WWC1: variants seen among roughly 807,000 people sequenced by gnomAD.
The protein encoded by WWC1 is WW and C2 domain containing 1, also known as protein KIBRA.
WWC1 carries 55 observed loss-of-function variants against 138.4 expected under a neutral mutation model. The observed-to-expected ratio is 0.40, with a 90% CI of 0.32 to 0.50. The LOEUF (loss-of-function observed/expected upper bound fraction) is 0.50, where lower values mean the gene tolerates loss of function less well. WWC1 is among the 20% of genes least tolerant of loss of function. The pLI, the probability that WWC1 is intolerant of heterozygous loss-of-function variation, is 0.72. For synonymous variants in WWC1, 524 were observed against 564.9 expected, an observed-to-expected ratio of 0.93 and a Z score of 1.03; for missense variants, 1,226 against 1,420.4, an observed-to-expected ratio of 0.86 and a Z score of 2.20.
chr5:168,440,510 GTTGTT>G (rs537138164), intron 15 of WWC1, among the ~76,000 whole-genome samples: 6 of 151,850 alleles, frequency 4.0e-5, no homozygotes, highest in Admixed American at 6.6e-5. Context: ...TGTTGTTGTT[GTTGTT>G]TTGTTTTGTT....
At chr5:168,468,258 T>A (rs1757462850) in intron 22 of WWC1, among the ~76,000 whole-genome samples, 1 of 152,234 alleles carries the variant, frequency 6.6e-6, no homozygotes, top group African/African-American at 2.4e-5. Context: ...TACTGGTAAT[T>A]GTGGAGGGTT....
intron 1 of WWC1, among the ~76,000 whole-genome samples, chr5:168,325,599 C>T (rs191463976): frequency 6.6e-6 from 1 of 152,274 alleles, no homozygotes; most frequent in East Asian, 1.9e-4. Context: ...TACAGGCAGT[C>T]CCATTTGCAC....
intron 1 of WWC1, among the ~76,000 whole-genome samples, chr5:168,323,621 T>C (rs1202252251): frequency 1.3e-5 from 2 of 152,182 alleles, no homozygotes; most frequent in African/African-American, 4.8e-5. Context: ...GTCAGGACTT[T>C]AGCAATTTGT....
At position 168,455,358 on chromosome 5, in the gene WWC1, G is replaced by A. The variant is rs761334449; in HGVS notation, c.2661G>A (p.Val887=). The change falls in exon 19 of 23, where the codon GTG becomes GTA. Residue 887 remains valine (V), a splice_region_variant and synonymous_variant. Coordinates refer to ENST00000265293, the MANE Select transcript of WWC1 (RefSeq NM_015238.3). ...PDMDGYPALK[V]DKETNTETPA... ...TCAAGGTGTGACTTCTTCCTCAGGT[G>A]GACAAAGAGACCAACACGGAGACCC... 74 of 1,569,024 alleles carry A rather than the reference G, an allele frequency of 4.7e-5. No homozygotes were observed. The Middle Eastern group carries it at 6.1e-3, about 129-fold the overall frequency.
chr5:168,420,702 C>G (rs1781024697), intron 9 of WWC1, among the ~76,000 whole-genome samples: 1 of 152,190 alleles, frequency 6.6e-6, no homozygotes, highest in South Asian at 2.1e-4. Flanking sequence ...TGCAGGGCCA[C>G]TTGGCTGCCC....
chr5:168,349,685 A>G (rs1043306265), intron 1 of WWC1, among the ~76,000 whole-genome samples: 4 of 152,138 alleles, frequency 2.6e-5, no homozygotes, highest in Non-Finnish European at 5.9e-5. Context: ...TTTCTCCGTC[A>G]TTTGACTGGC....
intron 8 of WWC1, 127 bp downstream of exon 8, chr5:168,410,122 G>A: frequency 2.1e-6 from 2 of 937,552 alleles, no homozygotes; most frequent in East Asian, 2.6e-5. Flanking sequence ...TATGAAGATA[G>A]TTATTATACT....
At chr5:168,467,758 C>A in intron 21 of WWC1, 82 bp from the exon 22 acceptor site, 4 of 1,589,080 alleles carry the variant, frequency 2.5e-6, no homozygotes, top group Non-Finnish European at 2.6e-6. Context: ...TACAGTAGCC[C>A]CCTCTGTTGT....
chr5:168,328,061 C>T (rs1359732302), intron 1 of WWC1, among the ~76,000 whole-genome samples: 1 of 152,180 alleles, frequency 6.6e-6, no homozygotes, highest in African/African-American at 2.4e-5. Context: ...CTTAAGGTCT[C>T]CCAGCTAACA....
intron 1 of WWC1, among the ~76,000 whole-genome samples, chr5:168,335,714 A>C (rs994637246): frequency 6.6e-6 from 1 of 152,256 alleles, no homozygotes; most frequent in Non-Finnish European, 1.5e-5. Flanking sequence ...GTCACCTCCA[A>C]GTAGGCCTAG....
intron 1 of WWC1, among the ~76,000 whole-genome samples, chr5:168,347,845 A>G (rs974935112): frequency 6.6e-6 from 1 of 152,204 alleles, no homozygotes; most frequent in African/African-American, 2.4e-5. Context: ...TGCTCTAAAC[A>G]GTCCTGATCG....
intron 1 of WWC1, among the ~76,000 whole-genome samples, chr5:168,303,267 G>A (rs1770258192): frequency 6.6e-6 from 1 of 152,146 alleles, no homozygotes; most frequent in East Asian, 1.9e-4. Context: ...CTGACCAGTA[G>A]CAAAATCCTG....
intron 17 of WWC1, among the ~76,000 whole-genome samples, chr5:168,446,376 A>T (rs1448579880): frequency 6.6e-6 from 1 of 151,564 alleles, no homozygotes; most frequent in East Asian, 1.9e-4. Context: ...TCACTTTGTG[A>T]TTCAGTGTTA....
chr5:168,305,774 G>A lies in WWC1; in HGVS notation c.119+13503G>A, dbSNP rs552919796. Among the ~76,000 whole-genome samples the A allele has an allele frequency of 2.0e-5, 3 of 152,242 alleles. No homozygotes were observed. In the East Asian group the frequency reaches 5.8e-4, roughly 29 times the overall value. On this transcript the variant is annotated intron_variant, in intron 1 of 22. Transcript: ENST00000265293. ...ATATTAGACTCGTCAGATCACTGGAGGGGACAACTAAAAATACCCATGCCT... is the reference window on the plus strand; with the variant it reads ...ATATTAGACTCGTCAGATCACTGGAAGGGACAACTAAAAATACCCATGCCT...
intron 20 of WWC1, among the ~76,000 whole-genome samples, chr5:168,463,773 C>T (rs1757015757): frequency 6.6e-6 from 1 of 152,242 alleles, no homozygotes; most frequent in South Asian, 2.1e-4. Context: ...GTTGGACTAC[C>T]TTCAGGCATG....
In WWC1 at chr5:168,351,206, A is replaced by G. The variant is rs182641519; in HGVS notation, c.120-20218A>G. ...GGGAAGGCAATGAGCCTAGGGTCCA[A>G]TCTCTCTTAGTTAACAAAGGAGCCT... On this transcript the variant is annotated intron_variant, in intron 1 of 22. Coordinates refer to ENST00000265293, the MANE Select transcript of WWC1 (RefSeq NM_015238.3). Among the ~76,000 whole-genome samples, 646 of 152,180 alleles carry G rather than the reference A, an allele frequency of 4.2e-3. 1 individual carries two copies. The highest frequency in any genetic ancestry group is 6.2e-3 in the Admixed American group (95 of 15,266).
In WWC1 at chr5:168,292,278, C is replaced by T; in HGVS notation, c.119+7C>T. 6.3e-7 allele frequency: 1 copy of T among 1,591,704 alleles called. No homozygotes were observed. Among genetic ancestry groups the T allele is most frequent in the African/African-American group, 1.3e-5 (1 of 74,320 alleles). On this transcript the variant is annotated splice_region_variant and intron_variant, in intron 1 of 22. Transcript: ENST00000265293. The surrounding 1 kb of genome is among the most constrained non-coding windows in gnomAD (Gnocchi z 4.4). ...GGATCGACCCGCGGGACAGGTAGGA[C>T]CCTGGAACCCTCCTCCGTGCCCCCA...
chr5:168,355,494 C>CAAAAAA (rs564674062), intron 1 of WWC1, among the ~76,000 whole-genome samples: 3 of 66,520 alleles, frequency 4.5e-5, no homozygotes, highest in Admixed American at 1.9e-4. Context: ...GACTCCGTCT[C>CAAAAAA]AAAAAAAAAA....
At position 168,419,442 on chromosome 5, in the gene WWC1, G is replaced by A. The variant is rs78918711; in HGVS notation, c.1185-2566G>A. ...GGCACTGTGCTGGGTGCTAGGTGCT[G>A]GGTGAGCAAGACACAGCCTCTGCCT... On this transcript the variant is annotated intron_variant, in intron 9 of 22. Transcript: ENST00000265293. 7.4e-3 allele frequency among the ~76,000 whole-genome samples: 1,122 copies of A among 152,330 alleles called. 14 individuals carry two copies. The highest frequency in any genetic ancestry group is 0.024 in the African/African-American group (1,007 of 41,566).
Sources: allele counts gnomAD v4.1 joint callset (sites outside exome capture counted in the v4.1 genomes callset), GRCh38; gene constraint gnomAD v4.1.1; non-coding constraint Gnocchi (gnomAD v3.1); transcripts MANE v1.5; gene names NCBI Gene and HGNC (gene_info 2026-07-23, HGNC 2026-07-21).